USH2A: variants seen among roughly 807,000 people sequenced by gnomAD.
The protein encoded by USH2A is usherin.
USH2A carries 443 observed loss-of-function variants against 538.9 expected under a neutral mutation model. That is an observed-to-expected ratio of 0.82 (90% CI 0.76 to 0.89). USH2A has a LOEUF of 0.89. USH2A is among the 40% of genes least tolerant of loss of function. USH2A has a pLI of 0.00. For missense variants in USH2A, 6,633 were observed against 6,324.8 expected (o/e 1.05, Z -1.65); for synonymous variants, 2,413 against 2,273.5 (o/e 1.06, Z -1.75).
chr1:216,173,907 T>A, intron 21 of USH2A: 1 of 917,880 alleles, frequency 1.1e-6, no homozygotes, highest in Non-Finnish European at 1.3e-6. Flanking sequence ...GTTTTACTAT[T>A]ATTCATGTAT....
intron 22 of USH2A, among the ~76,000 whole-genome samples, chr1:216,094,604 GCTT>G (rs2032393730): frequency 6.6e-6 from 1 of 152,008 alleles, no homozygotes; most frequent in South Asian, 2.1e-4. Flanking sequence ...ATTCACTGAT[GCTT>G]CTTCTTTTTA....
intron 12 of USH2A, among the ~76,000 whole-genome samples, chr1:216,249,868 G>T (rs181583407): frequency 7.6e-4 from 113 of 149,302 alleles, no homozygotes; most frequent in African/African-American, 2.6e-3. Flanking sequence ...AAGCATTCGT[G>T]TGTGTGTGTG....
intron 44 of USH2A, among the ~76,000 whole-genome samples, chr1:215,860,047 CG>C (rs1664276882): frequency 6.6e-6 from 1 of 152,120 alleles, no homozygotes; most frequent in African/African-American, 2.4e-5. Flanking sequence ...TTTAGAAAGC[CG>C]GGCATCCCTT....
At chr1:215,977,065 A>T (rs1413527688) in intron 35 of USH2A, among the ~76,000 whole-genome samples, 1 of 151,618 alleles carries the variant, frequency 6.6e-6, no homozygotes, top group Non-Finnish European at 1.5e-5. Context: ...AGCAAAACAC[A>T]TCCTCAGAGA....
intron 11 of USH2A, among the ~76,000 whole-genome samples, chr1:216,270,666 A>C (rs1181918023): frequency 6.6e-6 from 1 of 151,688 alleles, no homozygotes; most frequent in African/African-American, 2.4e-5. Flanking sequence ...TCCTCTCCCT[A>C]ATCCATTTAA....
At chr1:216,058,839 G>T (rs1425348375) in intron 30 of USH2A, among the ~76,000 whole-genome samples, 1 of 152,144 alleles carries the variant, frequency 6.6e-6, no homozygotes, top group African/African-American at 2.4e-5. Context: ...CTAATTGAAA[G>T]ATTCCTTCAT....
chr1:215,803,006 A>G (rs147470827), intron 49 of USH2A, among the ~76,000 whole-genome samples: 2,758 of 152,318 alleles, frequency 0.018, 87 homozygotes, highest in African/African-American at 0.063. Flanking sequence ...ATAATCCAGC[A>G]TATAAACAGA....
At chr1:216,390,116 T>C (rs192924125) in intron 3 of USH2A, among the ~76,000 whole-genome samples, 1 of 152,306 alleles carries the variant, frequency 6.6e-6, no homozygotes, top group Non-Finnish European at 1.5e-5. Context: ...GTGTGAAATG[T>C]ATAACTACAT....
chr1:216,244,330 G>A (rs2035993146), intron 13 of USH2A, among the ~76,000 whole-genome samples: 1 of 152,248 alleles, frequency 6.6e-6, no homozygotes, highest in South Asian at 2.1e-4. Context: ...TCTAGACTGC[G>A]ACTGGAAGAT....
intron 58 of USH2A, among the ~76,000 whole-genome samples, chr1:215,749,753 GC>G (rs1380486036): frequency 6.6e-6 from 1 of 152,182 alleles, no homozygotes; most frequent in African/African-American, 2.4e-5. Flanking sequence ...AGTGCAAATG[GC>G]AGTTTTGTTA....
chr1:215,860,507 G>A (rs1483543015), intron 44 of USH2A, among the ~76,000 whole-genome samples: 2 of 152,020 alleles, frequency 1.3e-5, no homozygotes, highest in Non-Finnish European at 2.9e-5. Flanking sequence ...CTTCAATGGC[G>A]AAAACCACAA....
At chr1:216,401,726 A>G (rs897282115) in intron 3 of USH2A, among the ~76,000 whole-genome samples, 4 of 152,108 alleles carry the variant, frequency 2.6e-5, no homozygotes, top group Non-Finnish European at 4.4e-5. Context: ...TAATGATAAA[A>G]TGATATCTCC....
At chr1:216,264,948 A>C (rs2036443735) in intron 11 of USH2A, among the ~76,000 whole-genome samples, 3 of 152,084 alleles carry the variant, frequency 2.0e-5, no homozygotes, top group African/African-American at 7.2e-5. Context: ...CGTAAGACCC[A>C]AAACTATGAA....
intron 44 of USH2A, among the ~76,000 whole-genome samples, chr1:215,860,969 A>G (rs1302889560): frequency 6.6e-6 from 1 of 152,200 alleles, no homozygotes; most frequent in African/African-American, 2.4e-5. Context: ...GCTCTGCGTC[A>G]CCAACTAAGC....
intron 3 of USH2A, among the ~76,000 whole-genome samples, chr1:216,392,632 T>C (rs1436581968): frequency 6.6e-6 from 1 of 151,930 alleles, no homozygotes; most frequent in Non-Finnish European, 1.5e-5. Flanking sequence ...TGAAGGTACA[T>C]GAAAATAAAC....
chr1:215,661,076 T>C (rs1571938403), intron 64 of USH2A, among the ~76,000 whole-genome samples: 1 of 152,214 alleles, frequency 6.6e-6, no homozygotes, highest in Admixed American at 6.5e-5. Context: ...TAATCATAGA[T>C]TGACAAGCCA....
At chr1:216,267,904 G>T (rs2036506675) in intron 11 of USH2A, among the ~76,000 whole-genome samples, 1 of 152,042 alleles carries the variant, frequency 6.6e-6, no homozygotes. Flanking sequence ...TTGAGTAATT[G>T]AATCTTTGAT....
intron 63 of USH2A, among the ~76,000 whole-genome samples, chr1:215,672,023 T>C (rs1383587587): frequency 6.6e-6 from 1 of 152,168 alleles, no homozygotes; most frequent in Non-Finnish European, 1.5e-5. Context: ...GAAGACACCT[T>C]ATCACCATCC....
At chr1:215,822,773 T>G (rs1025403937) in intron 47 of USH2A, among the ~76,000 whole-genome samples, 1 of 151,950 alleles carries the variant, frequency 6.6e-6, no homozygotes, top group Non-Finnish European at 1.5e-5. Context: ...TGGCTTTTAT[T>G]TTGATGTATG....
Sources: allele counts gnomAD v4.1 joint callset (sites outside exome capture counted in the v4.1 genomes callset), GRCh38; gene constraint gnomAD v4.1.1; transcripts MANE v1.5; gene names NCBI Gene and HGNC (gene_info 2026-07-23, HGNC 2026-07-21).